The following PPP6R3 variants were observed in gnomAD, a reference collection of about 807,000 sequenced individuals.
The protein encoded by PPP6R3 is protein phosphatase 6 regulatory subunit 3.
PPP6R3 carries 38 observed loss-of-function variants against 110.7 expected under a neutral mutation model. The observed-to-expected ratio is 0.34, with a 90% CI of 0.26 to 0.45. The LOEUF is 0.45. Ranked by LOEUF, PPP6R3 falls within the 20% of genes least tolerant of loss-of-function variation. PPP6R3 has a pLI of 1.00. For synonymous variants in PPP6R3, 369 were observed against 373.5 expected (o/e 0.99, Z 0.14); for missense variants, 870 against 1,062.4 (o/e 0.82, Z 2.52).
At chr11:68,483,510 A>G (rs2098928552) in intron 1 of PPP6R3, among the ~76,000 whole-genome samples, 1 of 152,176 alleles carries the variant, frequency 6.6e-6, no homozygotes, top group South Asian at 2.1e-4. Flanking sequence ...GGTGTTACAC[A>G]TTCTATAAGT....
At chr11:68,605,556 A>G (rs1939164329) in intron 22 of PPP6R3, among the ~76,000 whole-genome samples, 1 of 152,248 alleles carries the variant, frequency 6.6e-6, no homozygotes, top group South Asian at 2.1e-4. Flanking sequence ...AGACAACAAA[A>G]GAGAGTATCT....
intron 11 of PPP6R3, among the ~76,000 whole-genome samples, chr11:68,570,813 A>G (rs1332943358): frequency 6.6e-6 from 1 of 152,198 alleles, no homozygotes; most frequent in African/African-American, 2.4e-5. Flanking sequence ...ACTACCTATA[A>G]TACTGAGTTT....
chr11:68,536,263 T>G (rs778135900), intron 2 of PPP6R3, among the ~76,000 whole-genome samples: 38 of 151,452 alleles, frequency 2.5e-4, no homozygotes, highest in Admixed American at 2.5e-3. Context: ...AGTGGGTGGG[T>G]TTTTTTTGTT....
At chr11:68,561,100 C>T (rs898114166) in intron 8 of PPP6R3, among the ~76,000 whole-genome samples, 52 of 152,100 alleles carry the variant, frequency 3.4e-4, no homozygotes, top group African/African-American at 1.2e-3. Flanking sequence ...GGGGTTTCAC[C>T]GTGGTCTCGA....
intron 18 of PPP6R3, among the ~76,000 whole-genome samples, chr11:68,592,494 C>T (rs1490185153): frequency 6.6e-6 from 1 of 152,232 alleles, no homozygotes; most frequent in African/African-American, 2.4e-5. Context: ...AGCATCACCT[C>T]TCGCTGCCAG....
Position 68,614,707 on chromosome 11 carries a change from C to G in PPP6R3, c.*1590C>G. 6.5e-7 allele frequency: 1 copy of G among 1,534,108 alleles called. No individual in the cohort carries two copies. The highest frequency in any genetic ancestry group is 8.8e-7 in the Non-Finnish European group (1 of 1,139,446). On this transcript the variant is annotated 3_prime_UTR_variant, in exon 24 of 24. Transcript: ENST00000393800. ...TGGGACAGGTGGCAAGGGTGGGTCC[C>G]TTGACCTTTGCACGCCTCCTCAGGA...
chr11:68,582,762 T>A (rs545316928), intron 14 of PPP6R3, among the ~76,000 whole-genome samples: 2 of 152,348 alleles, frequency 1.3e-5, no homozygotes, highest in Non-Finnish European at 2.9e-5. Context: ...CAAAATCACT[T>A]AAATGGAGTA....
chr11:68,524,969 A>G (rs1288355533), intron 2 of PPP6R3, among the ~76,000 whole-genome samples: 2 of 152,210 alleles, frequency 1.3e-5, no homozygotes, highest in East Asian at 1.9e-4. Flanking sequence ...ATTGGATTGC[A>G]AGGCTGACCT....
intron 1 of PPP6R3, among the ~76,000 whole-genome samples, chr11:68,511,223 C>A (rs892381807): frequency 6.6e-6 from 1 of 151,618 alleles, no homozygotes; most frequent in Non-Finnish European, 1.5e-5. Context: ...CGCGCCACCA[C>A]GTCCGGCTAA....
intron 1 of PPP6R3, among the ~76,000 whole-genome samples, chr11:68,504,214 A>G (rs981171493): frequency 1.4e-5 from 2 of 141,938 alleles, no homozygotes; most frequent in Admixed American, 7.2e-5. Flanking sequence ...AGAAAGTAGA[A>G]ATTGTTTTTT....
In PPP6R3 at chr11:68,603,445, G is replaced by A. The variant is rs760317070; in HGVS notation, c.2403G>A (p.Thr801=). ...ETVMNGGMKE[T]LSLTVDAKTE... ...TGATGAATGGCGGCATGAAGGAAAC[G>A]CTCAGCCTCACTGTAGATGCCAAGA... is the stretch of plus-strand genomic sequence containing the variant. Residue 801 remains threonine (T), a synonymous_variant, in exon 22 of 24, where the codon ACG becomes ACA. Transcript: ENST00000393800. 7.4e-6 allele frequency: 12 copies of A among 1,614,008 alleles called. No homozygotes were observed. The highest frequency in any genetic ancestry group is 9.3e-6 in the Non-Finnish European group (11 of 1,180,034).
At chr11:68,517,938 CAA>C (rs34246025) in intron 1 of PPP6R3, among the ~76,000 whole-genome samples, 15 of 128,064 alleles carry the variant, frequency 1.2e-4, no homozygotes, top group Admixed American at 3.1e-4. Context: ...ACCCTGTCTT[CAA>C]AAAAAAAAAA....
intron 1 of PPP6R3, among the ~76,000 whole-genome samples, chr11:68,516,002 T>C (rs2099134772): frequency 6.6e-6 from 1 of 152,238 alleles, no homozygotes; most frequent in Non-Finnish European, 1.5e-5. Context: ...TCTCCTGTTC[T>C]GCTTTCTGGC....
chr11:68,469,891 C>A (rs533311467), intron 1 of PPP6R3, among the ~76,000 whole-genome samples: 78 of 152,300 alleles, frequency 5.1e-4, no homozygotes, highest in African/African-American at 1.8e-3. Flanking sequence ...TTGTATGTAT[C>A]ATTTTTCTGC....
chr11:68,461,769 G>A (rs960616109), intron 1 of PPP6R3, among the ~76,000 whole-genome samples: 3 of 152,104 alleles, frequency 2.0e-5, no homozygotes, highest in African/African-American at 7.2e-5. Context: ...CTTGACAGGC[G>A]TTCCCTTTCA....
At chr11:68,491,913 T>C (rs1002288839) in intron 1 of PPP6R3, among the ~76,000 whole-genome samples, 1 of 152,120 alleles carries the variant, frequency 6.6e-6, no homozygotes, top group Non-Finnish European at 1.5e-5. Flanking sequence ...TAATAAAGTT[T>C]ATGAATTTGT....
chr11:68,497,584 G>A (rs1446882910), intron 1 of PPP6R3, among the ~76,000 whole-genome samples: 1 of 150,236 alleles, frequency 6.7e-6, no homozygotes, highest in African/African-American at 2.5e-5. Flanking sequence ...CAAACTCCTG[G>A]GCTCAAATGG....
intron 2 of PPP6R3, among the ~76,000 whole-genome samples, chr11:68,520,928 C>T (rs753920434): frequency 9.9e-5 from 15 of 152,102 alleles, no homozygotes; most frequent in African/African-American, 1.4e-4. Flanking sequence ...TGCACCACCA[C>T]GCCCGGCTAA....
At chr11:68,593,820 A>G (rs1438132422) in intron 18 of PPP6R3, among the ~76,000 whole-genome samples, 1 of 152,180 alleles carries the variant, frequency 6.6e-6, no homozygotes, top group African/African-American at 2.4e-5. Flanking sequence ...GGAGTTTGAG[A>G]CCAGCCTAGG....
Sources: allele counts gnomAD v4.1 joint callset (sites outside exome capture counted in the v4.1 genomes callset), GRCh38; gene constraint gnomAD v4.1.1; transcripts MANE v1.5; gene names NCBI Gene and HGNC (gene_info 2026-07-23, HGNC 2026-07-21).